PLCB1: variants seen among roughly 807,000 people sequenced by gnomAD.
The protein encoded by PLCB1 is phospholipase C beta 1.
In PLCB1, 46 loss-of-function variants were observed where a neutral mutation model predicts 161.8. The ratio of observed to expected loss-of-function variants is 0.28; its 90% CI spans 0.22 to 0.36. The LOEUF (loss-of-function observed/expected upper bound fraction) is 0.36, where lower values mean the gene tolerates loss of function less well. PLCB1 is among the 10% of genes least tolerant of loss of function. PLCB1 has a pLI of 1.00. For synonymous variants in PLCB1, 517 were observed against 503.7 expected (o/e 1.03, Z -0.35); for missense variants, 1,016 against 1,472.5 (o/e 0.69, Z 5.07).
intron 4 of PLCB1, among the ~76,000 whole-genome samples, chr20:8,633,531 G>A (rs1988668741): frequency 1.3e-5 from 2 of 152,106 alleles, no homozygotes; most frequent in African/African-American, 2.4e-5. Context: ...GGAAGTGACT[G>A]TAGATAGAGA....
intron 3 of PLCB1, among the ~76,000 whole-genome samples, chr20:8,511,632 C>T (rs1217816192): frequency 6.6e-6 from 1 of 152,088 alleles, no homozygotes; most frequent in African/African-American, 2.4e-5. Context: ...AGTTTATATT[C>T]CTGCCAACTG....
intron 3 of PLCB1, among the ~76,000 whole-genome samples, chr20:8,410,015 G>A (rs1212937807): frequency 6.6e-6 from 1 of 151,932 alleles, no homozygotes; most frequent in South Asian, 2.1e-4. Flanking sequence ...AAAAAAATTA[G>A]AACTAATAAA....
chr20:8,396,194 G>T (rs901262173), intron 3 of PLCB1, among the ~76,000 whole-genome samples: 5 of 152,072 alleles, frequency 3.3e-5, no homozygotes, highest in African/African-American at 1.2e-4. Flanking sequence ...TATAACTACA[G>T]AAGTGGGGAG....
intron 14 of PLCB1, among the ~76,000 whole-genome samples, chr20:8,718,062 A>G (rs1979426120): frequency 9.0e-6 from 1 of 111,364 alleles, no homozygotes; most frequent in Admixed American, 8.5e-5. Context: ...TCTTGCAAAA[A>G]TACAAAAATT....
intron 2 of PLCB1, among the ~76,000 whole-genome samples, chr20:8,192,859 G>T (rs1240231155): frequency 2.0e-5 from 3 of 151,934 alleles, no homozygotes; most frequent in Non-Finnish European, 4.4e-5. Flanking sequence ...GTGTGTCAGG[G>T]ATTTCCAGTT....
rs568865389 is a variant in PLCB1 at position 8,452,285 on chromosome 20, C to T, written c.246+80835C>T. On this transcript the variant is annotated intron_variant, in intron 3 of 31. Transcript: ENST00000338037. ...CAGCCTCTTACCTTTTTGCTAAAAC[C>T]AAAAGTTCAAAAGAAAGGTGATCAG... is the stretch of plus-strand genomic sequence containing the variant. 2.1e-3 allele frequency among the ~76,000 whole-genome samples: 315 copies of T among 151,834 alleles called. 3 individuals are homozygous for T. The highest frequency in any genetic ancestry group is 5.7e-4 in the Non-Finnish European group (39 of 67,916).
chr20:8,768,363 C>T (rs543494621), intron 26 of PLCB1, among the ~76,000 whole-genome samples: 24 of 152,152 alleles, frequency 1.6e-4, no homozygotes, highest in South Asian at 6.2e-4. Context: ...ATTCTCCCTG[C>T]GTAGGTGTGT....
At chr20:8,268,737 A>T (rs1288206730) in intron 2 of PLCB1, among the ~76,000 whole-genome samples, 1 of 151,952 alleles carries the variant, frequency 6.6e-6, no homozygotes, top group African/African-American at 2.4e-5. Flanking sequence ...GCATTTTTTC[A>T]TGTGTCTGTT....
intron 2 of PLCB1, among the ~76,000 whole-genome samples, chr20:8,300,227 T>C (rs1983836951): frequency 6.6e-6 from 1 of 152,184 alleles, no homozygotes; most frequent in African/African-American, 2.4e-5. Context: ...AGTAGAGATA[T>C]CAAGTACGAG....
At chr20:8,713,276 C>T (rs1979119501) in intron 12 of PLCB1, among the ~76,000 whole-genome samples, 1 of 152,140 alleles carries the variant, frequency 6.6e-6, no homozygotes, top group Non-Finnish European at 1.5e-5. Flanking sequence ...GCAACCTCCA[C>T]CTCCCAGATT....
At chr20:8,526,782 G>A (rs1340328042) in intron 3 of PLCB1, among the ~76,000 whole-genome samples, 1 of 152,076 alleles carries the variant, frequency 6.6e-6, no homozygotes, top group Non-Finnish European at 1.5e-5. Context: ...CCAGCTGTGG[G>A]CTGCAATGTT....
At chr20:8,647,051 T>G (rs897403125) in intron 5 of PLCB1, among the ~76,000 whole-genome samples, 3 of 152,238 alleles carry the variant, frequency 2.0e-5, no homozygotes, top group Non-Finnish European at 2.9e-5. Flanking sequence ...TTTTAGTCAA[T>G]ACCTCAGGTC....
chr20:8,758,313 G>A (rs1981843478), intron 24 of PLCB1, among the ~76,000 whole-genome samples: 2 of 151,910 alleles, frequency 1.3e-5, no homozygotes, highest in Non-Finnish European at 2.9e-5. Context: ...AGGCATGGTG[G>A]CTCATGCCCG....
chr20:8,335,361 C>T (rs1985533556), intron 2 of PLCB1, among the ~76,000 whole-genome samples: 1 of 152,222 alleles, frequency 6.6e-6, no homozygotes, highest in African/African-American at 2.4e-5. Flanking sequence ...CTATTCTAGA[C>T]TGCCTTGGTG....
At chr20:8,550,222 G>C in intron 3 of PLCB1, among the ~76,000 whole-genome samples, 1 of 152,068 alleles carries the variant, frequency 6.6e-6, no homozygotes, top group Non-Finnish European at 1.5e-5. Flanking sequence ...CTGTTGGAAG[G>C]GTATGATTGT....
At chr20:8,243,567 C>A (rs114560758) in intron 2 of PLCB1, among the ~76,000 whole-genome samples, 1 of 151,856 alleles carries the variant, frequency 6.6e-6, no homozygotes, top group Non-Finnish European at 1.5e-5. Flanking sequence ...ATAAATAGAA[C>A]CTTTAAAGAG....
chr20:8,359,074 G>A (rs1163476125), intron 2 of PLCB1, among the ~76,000 whole-genome samples: 1 of 152,112 alleles, frequency 6.6e-6, no homozygotes, highest in African/African-American at 2.4e-5. Flanking sequence ...TAAACATAAG[G>A]CCTTGTAAAA....
chr20:8,733,740 GTAAC>G (rs1349301959), intron 19 of PLCB1, among the ~76,000 whole-genome samples: 6 of 149,634 alleles, frequency 4.0e-5, no homozygotes, highest in African/African-American at 1.5e-4. Context: ...GTATACATAT[GTAAC>G]TAACCTGCAC....
At chr20:8,616,104 A>C (rs1280578267) in intron 3 of PLCB1, among the ~76,000 whole-genome samples, 1 of 152,060 alleles carries the variant, frequency 6.6e-6, no homozygotes, top group Non-Finnish European at 1.5e-5. Context: ...CCTCTTACAT[A>C]TCTCTCCAAA....
Sources: allele counts gnomAD v4.1 joint callset (sites outside exome capture counted in the v4.1 genomes callset), GRCh38; gene constraint gnomAD v4.1.1; transcripts MANE v1.5; gene names NCBI Gene and HGNC (gene_info 2026-07-23, HGNC 2026-07-21).